KDM2A: variants seen among roughly 807,000 people sequenced by gnomAD.
The protein encoded by KDM2A is lysine-specific demethylase 2A.
Under a neutral mutation model 137.3 loss-of-function variants are expected in KDM2A, and 3 were observed. That is an observed-to-expected ratio of 0.02 (90% CI 0.01 to 0.06). KDM2A has a LOEUF of 0.06. KDM2A is among the 10% of genes least tolerant of loss of function. The pLI is 1.00. For synonymous variants in KDM2A, 512 were observed against 541.5 expected (o/e 0.95, Z 0.76); for missense variants, 738 against 1,510.6 (o/e 0.49, Z 8.48).
At chr11:67,123,667 C>T (rs988677524) in intron 2 of KDM2A, among the ~76,000 whole-genome samples, 1 of 151,484 alleles carries the variant, frequency 6.6e-6, no homozygotes, top group African/African-American at 2.4e-5. Context: ...TTCCAGCAAG[C>T]AAAACTTTTA....
chr11:67,200,497 G>C (rs937819725), intron 5 of KDM2A, among the ~76,000 whole-genome samples: 1 of 151,428 alleles, frequency 6.6e-6, no homozygotes, highest in Non-Finnish European at 1.5e-5. Context: ...GATTATAGGC[G>C]TGAGCGACCG....
At chr11:67,230,170 C>T (rs1157102203) in intron 11 of KDM2A, among the ~76,000 whole-genome samples, 4 of 146,968 alleles carry the variant, frequency 2.7e-5, no homozygotes, top group South Asian at 2.2e-4. Flanking sequence ...AGCGAGACTC[C>T]GTCTCAAAAA....
chr11:67,163,132 T>G (rs573984768), intron 2 of KDM2A, among the ~76,000 whole-genome samples: 25 of 152,252 alleles, frequency 1.6e-4, no homozygotes, highest in Non-Finnish European at 2.6e-4. Flanking sequence ...AATTTTGCTC[T>G]TGCATAACTT....
At chr11:67,253,673 C>G in intron 19 of KDM2A, 62 bp downstream of exon 19, 2 of 1,555,820 alleles carry the variant, frequency 1.3e-6, no homozygotes, top group Non-Finnish European at 1.8e-6. Context: ...CCAAACAGAC[C>G]TCGTCTTCAG....
At chr11:67,140,953 T>G (rs938279572) in intron 2 of KDM2A, among the ~76,000 whole-genome samples, 16 of 152,248 alleles carry the variant, frequency 1.1e-4, no homozygotes, top group African/African-American at 3.4e-4. Flanking sequence ...ACGCTATATT[T>G]TAATTACTGC....
Position 67,231,902 on chromosome 11 carries a change from A to G in KDM2A, c.1421A>G (p.His474Arg). 1 of 1,614,040 alleles carries G rather than the reference A, an allele frequency of 6.2e-7. No individual in the cohort carries two copies. Among genetic ancestry groups the G allele is most frequent in the East Asian group, 2.2e-5 (1 of 44,894 alleles). The change falls in exon 12 of 21, where the codon CAC becomes CGC. Residue 474 changes from histidine (H) to arginine (R), a missense_variant. Physicochemically the swap from His to Arg is conservative, Grantham distance 29. Around this residue, in one of 9 missense-constraint regions of KDM2A, gnomAD observed 71 missense variants for 147.9 expected, o/e 0.48. Coordinates refer to ENST00000529006, the MANE Select transcript of KDM2A (RefSeq NM_012308.3). ...GATAAGTTGGAGTCTCTGCCACTGC[A>G]CAAGAAATGTGTCCCCACAGGGATA... ...LVDKLESLPLHKKCVPTGIED... is the reference protein window; with the variant it reads ...LVDKLESLPLRKKCVPTGIED...
chr11:67,249,668 G>A (rs1025732422), intron 16 of KDM2A, among the ~76,000 whole-genome samples: 1 of 152,190 alleles, frequency 6.6e-6, no homozygotes, highest in Non-Finnish European at 1.5e-5. Flanking sequence ...GGGGGTTGGA[G>A]TGGAAGACGC....
chr11:67,206,403 A>C (rs1174894556), intron 5 of KDM2A, among the ~76,000 whole-genome samples: 1 of 152,192 alleles, frequency 6.6e-6, no homozygotes, highest in Non-Finnish European at 1.5e-5. Flanking sequence ...ACTGCACTCC[A>C]GCCTGGGTGA....
intron 2 of KDM2A, among the ~76,000 whole-genome samples, chr11:67,160,252 C>T (rs919559912): frequency 2.6e-5 from 4 of 152,078 alleles, no homozygotes; most frequent in African/African-American, 9.7e-5. Flanking sequence ...TTTGTAGCCT[C>T]GAGGGATCAT....
In KDM2A at chr11:67,246,369, C is replaced by T. The variant is rs536210303; in HGVS notation, c.1965+253C>T. Among the ~76,000 whole-genome samples, 49 of 152,214 alleles carry T rather than the reference C, an allele frequency of 3.2e-4. 1 individual carries two copies. The South Asian group carries it at 8.7e-3, about 27-fold the overall frequency. On this transcript the variant is annotated intron_variant, in intron 15 of 20. Coordinates refer to ENST00000529006, the MANE Select transcript of KDM2A (RefSeq NM_012308.3). ...GTCCTCATGGAGCTTAGAATCTGGA[C>T]TCTGGATTGGGTATGTAGAGTTCCC... is the stretch of plus-strand genomic sequence containing the variant.
At chr11:67,171,518 A>G (rs1256150056) in intron 2 of KDM2A, among the ~76,000 whole-genome samples, 1 of 152,244 alleles carries the variant, frequency 6.6e-6, no homozygotes, top group Non-Finnish European at 1.5e-5. Context: ...TAAACTGCCT[A>G]TAGTTGCACA....
chr11:67,244,634 T>C lies in KDM2A; in HGVS notation c.1564-555T>C, dbSNP rs907531458. ...GTAAAGGTCAAGATAGTAAATACTT[T>C]AGGTTTTGTACACCACACAGTCAAC... On this transcript the variant is annotated intron_variant, in intron 13 of 20. Coordinates refer to ENST00000529006, the MANE Select transcript of KDM2A (RefSeq NM_012308.3). Among the ~76,000 whole-genome samples the C allele has an allele frequency of 2.6e-5, 4 of 152,286 alleles. No homozygotes were observed. The South Asian group carries it at 6.2e-4, about 24-fold the overall frequency.
intron 2 of KDM2A, among the ~76,000 whole-genome samples, chr11:67,170,153 G>T (rs946462226): frequency 3.3e-5 from 5 of 152,080 alleles, no homozygotes; most frequent in Non-Finnish European, 7.4e-5. Flanking sequence ...AATGTACCGA[G>T]TTCAAACACC....
At position 67,255,266 on chromosome 11, in the gene KDM2A, A is replaced by C; in HGVS notation, c.*211A>C. 1 of 582,240 alleles carries C rather than the reference A, an allele frequency of 1.7e-6. No homozygotes were observed. The highest frequency in any genetic ancestry group is 2.0e-5 in the South Asian group (1 of 50,706). The allele number at this position is 582,240 out of a possible 1,614,324, so 36.1% of individuals were successfully genotyped here. A position where few individuals can be genotyped will look rare whatever the true frequency, so the allele number is the denominator to read the frequency against. On this transcript the variant is annotated 3_prime_UTR_variant, in exon 21 of 21. Coordinates refer to ENST00000529006, the MANE Select transcript of KDM2A (RefSeq NM_012308.3). ...CTCCTCTCCCTCCTAAGGAAAAGGG[A>C]GTAGCAGATTGATCTGAGGGGAAAG...
At chr11:67,152,176 G>T (rs1210931195) in intron 2 of KDM2A, among the ~76,000 whole-genome samples, 2 of 151,982 alleles carry the variant, frequency 1.3e-5, no homozygotes. Flanking sequence ...AGCCAGGCGT[G>T]GTGGTGTGCA....
At chr11:67,221,290 G>A (rs1325219608) in intron 10 of KDM2A, among the ~76,000 whole-genome samples, 3 of 152,184 alleles carry the variant, frequency 2.0e-5, no homozygotes, top group Non-Finnish European at 4.4e-5. Context: ...GTATGGAGAT[G>A]AGCAGATGTG....
chr11:67,199,961 C>CA (rs1428754147), intron 5 of KDM2A, among the ~76,000 whole-genome samples: 1 of 151,882 alleles, frequency 6.6e-6, no homozygotes, highest in Admixed American at 6.6e-5. Flanking sequence ...TTTAACATTC[C>CA]AAAAAAAGCT....
chr11:67,190,849 A>G (rs950338973), intron 5 of KDM2A, among the ~76,000 whole-genome samples: 18 of 152,204 alleles, frequency 1.2e-4, no homozygotes, highest in African/African-American at 4.3e-4. Flanking sequence ...ACTTGTTAAG[A>G]CTAAATCACT....
intron 3 of KDM2A, 62 bp downstream of exon 3, chr11:67,180,279 A>G (rs1256538931): frequency 4.6e-6 from 7 of 1,538,152 alleles, no homozygotes; most frequent in Non-Finnish European, 6.2e-6. Context: ...GACTCTGAGC[A>G]TTGGGGGTTT....
Sources: allele counts gnomAD v4.1 joint callset (sites outside exome capture counted in the v4.1 genomes callset), GRCh38; gene constraint gnomAD v4.1.1; regional missense constraint gnomAD v4.1.1; transcripts MANE v1.5; gene names NCBI Gene and HGNC (gene_info 2026-07-23, HGNC 2026-07-21).